The following HOMER1 variants were observed in gnomAD, a reference collection of about 807,000 sequenced individuals.
HOMER1 encodes homer protein homolog 1.
A neutral mutation model predicts 48.9 loss-of-function variants in HOMER1; 3 were observed. The observed-to-expected ratio is 0.06, with a 90% CI of 0.03 to 0.16. The LOEUF (loss-of-function observed/expected upper bound fraction) is 0.16. HOMER1 is among the 10% of genes least tolerant of loss of function. HOMER1 has a pLI of 1.00. For synonymous variants in HOMER1, 134 were observed against 146.4 expected (o/e 0.92, Z 0.61); for missense variants, 247 against 411.4 (o/e 0.60, Z 3.46).
chr5:79,390,178 C>T (rs1471068614), intron 8 of HOMER1, among the ~76,000 whole-genome samples: 2 of 151,926 alleles, frequency 1.3e-5, no homozygotes, highest in East Asian at 1.9e-4. Flanking sequence ...CCCAGCTCCT[C>T]GGGAGGCTGA....
intron 5 of HOMER1, among the ~76,000 whole-genome samples, chr5:79,403,261 A>G (rs954418677): frequency 8.5e-5 from 13 of 152,188 alleles, no homozygotes; most frequent in Non-Finnish European, 1.5e-4. Context: ...GCTTTCTTCA[A>G]TCACCATTTT....
At chr5:79,393,478 G>T (rs1257630692) in intron 8 of HOMER1, among the ~76,000 whole-genome samples, 1 of 152,148 alleles carries the variant, frequency 6.6e-6, no homozygotes, top group South Asian at 2.1e-4. Context: ...TACAGGTAAA[G>T]ACTAAATGCA....
intron 1 of HOMER1, among the ~76,000 whole-genome samples, chr5:79,477,936 AC>A (rs1751830285): frequency 6.6e-6 from 1 of 152,110 alleles, no homozygotes; most frequent in Non-Finnish European, 1.5e-5. Context: ...ATGAAGGCAT[AC>A]CTAAAGGTAT....
chr5:79,477,438 T>C (rs1037208164), intron 1 of HOMER1, among the ~76,000 whole-genome samples: 1 of 152,268 alleles, frequency 6.6e-6, no homozygotes, highest in Non-Finnish European at 1.5e-5. Context: ...TGAGCTTTTG[T>C]CATTCACAAG....
Position 79,375,902 on chromosome 5 carries a change from CA to C in HOMER1, c.*106del. ...ATCCTCCTCCTGGAGGAGTGATATT[CA>C]ATTTTTTTTTTTTTTTTTTTGTGCA... is the stretch of plus-strand genomic sequence containing the variant. On this transcript the variant is annotated 3_prime_UTR_variant, in exon 9 of 9. Transcript: ENST00000334082. The C allele has an allele frequency of 9.8e-6, 5 of 510,618 alleles. No homozygotes were observed. The highest frequency in any genetic ancestry group is 2.1e-5 in the African/African-American group (1 of 47,784). The allele number at this position is 510,618 out of a possible 1,614,324, so 31.6% of individuals were successfully genotyped here.
At chr5:79,512,619 C>A in intron 1 of HOMER1, 151 bp downstream of exon 1, 1 of 696,534 alleles carries the variant, frequency 1.4e-6, no homozygotes. Flanking sequence ...CAAAAATAAC[C>A]TAAAAGGTTA....
At position 79,456,944 on chromosome 5, in the gene HOMER1, G is replaced by A. The variant is rs1470947799; in HGVS notation, c.80C>T (p.Thr27Ile). The A allele has an allele frequency of 6.2e-7, 1 of 1,613,780 alleles. No individual in the cohort carries two copies. Among genetic ancestry groups the A allele is most frequent in the South Asian group, 1.1e-5 (1 of 91,074 alleles). ...DPNTKKNWVP[T>I]SKHAVTVSYF... ...AGACACAGTAACTGCATGCTTGCTG[G>A]TGGGTACCCAGTTCTTCTTTGTGTT... Residue 27 changes from threonine (T) to isoleucine (I), a missense_variant, in exon 2 of 9, where the codon ACC becomes ATC. This residue lies in a region of HOMER1 where 38 missense variants were observed against 114.9 expected (regional missense o/e 0.33). Transcript: ENST00000334082.
chr5:79,380,370 G>A (rs1437596938), intron 8 of HOMER1, among the ~76,000 whole-genome samples: 2 of 152,196 alleles, frequency 1.3e-5, no homozygotes, highest in Non-Finnish European at 2.9e-5. Flanking sequence ...GTGTCCTAGA[G>A]CCCAACAGTG....
chr5:79,457,847 C>G lies in HOMER1; in HGVS notation c.6-829G>C, dbSNP rs142855879. ...GGAAGATGTGAATAATGAGAATAAA[C>G]TATGCTCTGCTAAAATACAAGTATC... On this transcript the variant is annotated intron_variant, in intron 1 of 8. Transcript: ENST00000334082. Among the ~76,000 whole-genome samples the G allele has an allele frequency of 2.5e-4, 38 of 152,250 alleles. 1 individual carries two copies. The highest frequency in any genetic ancestry group is 8.9e-4 in the African/African-American group (37 of 41,546).
chr5:79,379,543 T>C (rs1462725685), intron 8 of HOMER1, among the ~76,000 whole-genome samples: 2 of 143,116 alleles, frequency 1.4e-5, no homozygotes, highest in Non-Finnish European at 3.0e-5. Context: ...ATACATATAT[T>C]CTGACAACAA....
intron 7 of HOMER1, 53 bp from the exon 8 acceptor site, chr5:79,396,956 A>C (rs1749402579): frequency 1.0e-6 from 1 of 985,356 alleles, no homozygotes; most frequent in Admixed American, 2.2e-5. Context: ...AGGCAAGGGA[A>C]GGTCTTGTTT....
chr5:79,501,753 G>GTCAA (rs1752598839), intron 1 of HOMER1, among the ~76,000 whole-genome samples: 3 of 152,168 alleles, frequency 2.0e-5, no homozygotes, highest in African/African-American at 7.2e-5. Context: ...TCCAGCACAT[G>GTCAA]ATCTGCCATG....
intron 2 of HOMER1, among the ~76,000 whole-genome samples, chr5:79,455,589 C>A (rs1236692694): frequency 6.6e-6 from 1 of 152,184 alleles, no homozygotes; most frequent in African/African-American, 2.4e-5. Context: ...TACCCAGTCT[C>A]AGGTATTTCT....
rs1045678653 is a variant in HOMER1 at position 79,512,791 on chromosome 5, T to C, written c.-17A>G. Reference sequence around the variant, plus strand: ...TTACCCCATTTTGCCCAATGAAAACTTGCTCTGAAGTTTCAGCTCTTATGC... The same window carrying C: ...TTACCCCATTTTGCCCAATGAAAACCTGCTCTGAAGTTTCAGCTCTTATGC... On this transcript the variant is annotated 5_prime_UTR_variant, in exon 1 of 9. Transcript: ENST00000334082. The C allele has an allele frequency of 2.2e-5, 36 of 1,613,492 alleles. No individual in the cohort carries two copies. The Middle Eastern group carries it at 5.0e-4, about 22-fold the overall frequency.
intron 5 of HOMER1, among the ~76,000 whole-genome samples, chr5:79,407,216 G>A (rs1580429400): frequency 6.6e-6 from 1 of 151,726 alleles, no homozygotes; most frequent in Non-Finnish European, 1.5e-5. Context: ...TAGCAGAAGA[G>A]TCATACCCAT....
chr5:79,514,012 GCCAGCC>G lies in HOMER1; in HGVS notation c.-1244_-1239del, dbSNP rs1753025620. ...TCCGGCTACCGCCGGGCAGAGCAGCGCCAGCCCCGGCGGCCTGAAGCCTGCCGCTGC... is the reference window on the plus strand; with the variant it reads ...TCCGGCTACCGCCGGGCAGAGCAGCGCCGGCGGCCTGAAGCCTGCCGCTGC... On this transcript the variant is annotated 5_prime_UTR_variant, in exon 1 of 9. Coordinates refer to ENST00000334082, the MANE Select transcript of HOMER1 (RefSeq NM_004272.5). The G allele has an allele frequency of 6.5e-6, 1 of 152,776 alleles. No homozygotes were observed. The highest frequency in any genetic ancestry group is 1.5e-5 in the Non-Finnish European group (1 of 68,112). 9.5% of individuals were successfully genotyped at this position (152,776 alleles called of 1,614,324 possible).
chr5:79,428,793 T>G (rs1193086421), intron 5 of HOMER1, among the ~76,000 whole-genome samples: 1 of 152,088 alleles, frequency 6.6e-6, no homozygotes, highest in Non-Finnish European at 1.5e-5. Flanking sequence ...TCCAAATAAA[T>G]GGGAAAACAG....
At chr5:79,480,756 A>G (rs1294846061) in intron 1 of HOMER1, among the ~76,000 whole-genome samples, 3 of 152,218 alleles carry the variant, frequency 2.0e-5, no homozygotes, top group Non-Finnish European at 4.4e-5. Flanking sequence ...CACAAGTATG[A>G]AACATGGTCT....
chr5:79,453,637 T>C (rs1047547922), intron 2 of HOMER1, among the ~76,000 whole-genome samples: 8 of 152,044 alleles, frequency 5.3e-5, no homozygotes, highest in African/African-American at 1.9e-4. Flanking sequence ...GGAAAAGAGG[T>C]AGAAATGCAG....
Sources: allele counts gnomAD v4.1 joint callset (sites outside exome capture counted in the v4.1 genomes callset), GRCh38; gene constraint gnomAD v4.1.1; regional missense constraint gnomAD v4.1.1; transcripts MANE v1.5; gene names NCBI Gene and HGNC (gene_info 2026-07-23, HGNC 2026-07-21).